Variants in QTMAN observed in about 807,000 individuals in gnomAD.
QTMAN encodes tRNA-queuosine alpha-mannosyltransferase.
At chr2:144,181,738 G>A in the QTMAN span, among the ~76,000 whole-genome samples, 2 of 152,122 alleles carry the variant, frequency 1.3e-5, no homozygotes, top group African/African-American at 4.8e-5. Flanking sequence ...TTGAGCCCGG[G>A]AGATGGAGGC....
the QTMAN span, among the ~76,000 whole-genome samples, chr2:144,196,821 C>CT: frequency 1.2e-4 from 19 of 152,278 alleles, no homozygotes; most frequent in African/African-American, 4.1e-4. Flanking sequence ...CATTTTCACT[C>CT]TGAGATCTAG....
At chr2:144,247,765 C>T in the QTMAN span, among the ~76,000 whole-genome samples, 1 of 152,150 alleles carries the variant, frequency 6.6e-6, no homozygotes, top group Non-Finnish European at 1.5e-5. Flanking sequence ...CCTTGACTTC[C>T]CGGGCTCAGG....
the QTMAN span, among the ~76,000 whole-genome samples, chr2:144,325,279 T>G: frequency 5.5e-3 from 843 of 152,280 alleles, 4 homozygotes; most frequent in African/African-American, 0.019. Context: ...TCACACACAC[T>G]TTTGACAGGA....
chr2:144,160,992 C>A, the QTMAN span, among the ~76,000 whole-genome samples: 2 of 152,006 alleles, frequency 1.3e-5, no homozygotes, highest in Non-Finnish European at 2.9e-5. Flanking sequence ...TCCACGCAAC[C>A]CAAGAAAATG....
chr2:144,142,442 C>T, the QTMAN span, among the ~76,000 whole-genome samples: 6 of 151,900 alleles, frequency 3.9e-5, no homozygotes, highest in Admixed American at 6.6e-5. Context: ...CAGTGATGTG[C>T]ATCATTTTAC....
chr2:144,108,076 G>A, the QTMAN span, among the ~76,000 whole-genome samples: 201 of 152,146 alleles, frequency 1.3e-3, no homozygotes, highest in African/African-American at 4.3e-3. Context: ...AAAAACTCTC[G>A]ATAAATTAGG....
the QTMAN span, among the ~76,000 whole-genome samples, chr2:144,146,475 G>T: frequency 1.3e-5 from 2 of 151,498 alleles, no homozygotes; most frequent in Non-Finnish European, 2.9e-5. Flanking sequence ...AATGAAAAAA[G>T]TGTCAATTTA....
the QTMAN span, among the ~76,000 whole-genome samples, chr2:144,324,566 C>A: frequency 6.6e-6 from 1 of 152,156 alleles, no homozygotes; most frequent in Non-Finnish European, 1.5e-5. Flanking sequence ...CTGTGAAACC[C>A]AAAATCTGCA....
At chr2:144,263,058 C>T in the QTMAN span, among the ~76,000 whole-genome samples, 4 of 151,292 alleles carry the variant, frequency 2.6e-5, no homozygotes, top group African/African-American at 9.7e-5. Flanking sequence ...GCCTGTAGAC[C>T]ATGGCTCACG....
the QTMAN span, among the ~76,000 whole-genome samples, chr2:144,170,541 T>A: frequency 6.6e-6 from 1 of 152,142 alleles, no homozygotes; most frequent in Non-Finnish European, 1.5e-5. Context: ...GCAAGCAAAC[T>A]TGCCAAACCT....
chr2:144,132,419 G>C, the QTMAN span, among the ~76,000 whole-genome samples: 1 of 152,034 alleles, frequency 6.6e-6, no homozygotes, highest in African/African-American at 2.4e-5. Flanking sequence ...AAACTTCACA[G>C]AACATTTCCC....
the QTMAN span, among the ~76,000 whole-genome samples, chr2:144,323,351 T>C: frequency 6.6e-6 from 1 of 152,340 alleles, no homozygotes; most frequent in Non-Finnish European, 1.5e-5. Context: ...TTAGCAATTG[T>C]TATCACTTCT....
At chr2:143,989,376 C>G in the QTMAN span, among the ~76,000 whole-genome samples, 7 of 151,976 alleles carry the variant, frequency 4.6e-5, no homozygotes, top group Non-Finnish European at 1.0e-4. Context: ...GAAGTATGGT[C>G]AAGATAAACA....
chr2:144,244,538 A>G, the QTMAN span, among the ~76,000 whole-genome samples: 1,339 of 152,352 alleles, frequency 8.8e-3, 14 homozygotes, highest in African/African-American at 0.03. Context: ...TTGTGAAAGA[A>G]TAATATAAAA....
chr2:144,224,775 C>T, the QTMAN span, among the ~76,000 whole-genome samples: 34 of 152,150 alleles, frequency 2.2e-4, no homozygotes, highest in Non-Finnish European at 4.4e-4. Flanking sequence ...AAAACATAAA[C>T]AAATTTGCTT....
At chr2:144,037,636 A>ATG in the QTMAN span, among the ~76,000 whole-genome samples, 124 of 152,344 alleles carry the variant, frequency 8.1e-4, no homozygotes, top group Non-Finnish European at 1.5e-3. Context: ...CTTAAATGTG[A>ATG]TGTAAAACAT....
chr2:144,113,915 T>C, the QTMAN span, among the ~76,000 whole-genome samples: 4 of 152,216 alleles, frequency 2.6e-5, no homozygotes, highest in Admixed American at 1.3e-4. Context: ...ATGTTTTAAA[T>C]TGAAAAACAT....
At chr2:143,987,890 CA>C in the QTMAN span, among the ~76,000 whole-genome samples, 3 of 152,090 alleles carry the variant, frequency 2.0e-5, no homozygotes, top group Non-Finnish European at 4.4e-5. Flanking sequence ...CCCGCAACCC[CA>C]AAAAACACAA....
the QTMAN span, among the ~76,000 whole-genome samples, chr2:143,997,423 G>T: frequency 6.6e-6 from 1 of 152,186 alleles, no homozygotes; most frequent in South Asian, 2.1e-4. Context: ...TTCAGTTTCT[G>T]AAGGTCAAAT....
Sources: gnomAD v4.1 joint callset for allele counts (sites outside exome capture counted in the v4.1 genomes callset) on GRCh38, gnomAD v4.1.1 for gene constraint, MANE v1.5 for transcripts, NCBI Gene and HGNC (gene_info 2026-07-23, HGNC 2026-07-21) for gene names.